The following PRKG1 variants were observed in gnomAD, a reference collection of about 807,000 sequenced individuals.
The protein encoded by PRKG1 is protein kinase cGMP-dependent 1, also known as cGMP-dependent protein kinase 1.
PRKG1 carries 35 observed loss-of-function variants against 88.1 expected under a neutral mutation model. The observed-to-expected ratio is 0.40, with a 90% CI of 0.30 to 0.53. PRKG1 has a LOEUF of 0.53. Among genes scored for constraint, PRKG1 ranks in the 20% least tolerant of loss-of-function variants. The probability of loss-of-function intolerance (pLI) is 0.59; values close to 1 mark genes in which losing one functional copy is unlikely to be tolerated. For synonymous variants in PRKG1, 303 were observed against 292.5 expected, an observed-to-expected ratio of 1.04 and a Z score of -0.37; for missense variants, 540 against 839.8, an observed-to-expected ratio of 0.64 and a Z score of 4.41.
chr10:52,010,059 C>T (rs2133167658), intron 5 of PRKG1, among the ~76,000 whole-genome samples: 1 of 152,208 alleles, frequency 6.6e-6, no homozygotes, highest in Admixed American at 6.5e-5. Context: ...AAACCTAAAA[C>T]TATAAAACTC....
chr10:51,456,423 C>T (rs1428890151), intron 2 of PRKG1, among the ~76,000 whole-genome samples: 3 of 152,036 alleles, frequency 2.0e-5, no homozygotes, highest in Non-Finnish European at 2.9e-5. Flanking sequence ...CATCTCTCAC[C>T]TTATACAAAA....
intron 3 of PRKG1, among the ~76,000 whole-genome samples, chr10:51,727,907 C>T (rs1842174845): frequency 1.3e-5 from 2 of 151,984 alleles, no homozygotes; most frequent in South Asian, 2.1e-4. Flanking sequence ...ACCGTGTGCC[C>T]CAAGAGATAA....
intron 4 of PRKG1, among the ~76,000 whole-genome samples, chr10:51,880,440 T>C (rs999856444): frequency 6.6e-5 from 10 of 152,160 alleles, no homozygotes; most frequent in Non-Finnish European, 1.2e-4. Flanking sequence ...GTACACTTCA[T>C]TGAATAATGG....
intron 7 of PRKG1, among the ~76,000 whole-genome samples, chr10:52,099,122 G>A (rs1847239571): frequency 6.6e-6 from 1 of 152,172 alleles, no homozygotes; most frequent in African/African-American, 2.4e-5. Context: ...GTTGGCTTCT[G>A]TACAGATAAT....
In PRKG1 at chr10:51,166,846, A is replaced by ATT. The variant is rs535325028; in HGVS notation, c.478+13517_478+13518dup. 1.4e-3 allele frequency among the ~76,000 whole-genome samples: 217 copies of ATT among 152,314 alleles called. 1 individual carries two copies. The highest frequency in any genetic ancestry group is 4.9e-3 in the African/African-American group (205 of 41,576). On this transcript the variant is annotated intron_variant, in intron 2 of 17. Transcript: ENST00000373980. ...AGCGGGGTGTGACTTTGACAAGCGT[A>ATT]TTATATGAATATTTGAAACTCTTTG...
intron 2 of PRKG1, among the ~76,000 whole-genome samples, chr10:51,265,778 T>C (rs879327641): frequency 2.0e-4 from 31 of 152,212 alleles, no homozygotes; most frequent in Middle Eastern, 6.8e-3. Flanking sequence ...GAAGGGACAA[T>C]TGAGTTGGTA....
At chr10:51,953,066 G>T (rs1264770636) in intron 5 of PRKG1, among the ~76,000 whole-genome samples, 13 of 151,938 alleles carry the variant, frequency 8.6e-5, no homozygotes. Flanking sequence ...AGCTTTTTCT[G>T]TCTATGTTTA....
intron 1 of PRKG1, among the ~76,000 whole-genome samples, chr10:51,107,576 C>T (rs1844868527): frequency 6.6e-6 from 1 of 151,844 alleles, no homozygotes; most frequent in African/African-American, 2.4e-5. Context: ...CGCGTTCATG[C>T]CTATAATCCC....
At chr10:51,970,337 T>G (rs1209487937) in intron 5 of PRKG1, among the ~76,000 whole-genome samples, 3 of 152,042 alleles carry the variant, frequency 2.0e-5, no homozygotes, top group Admixed American at 6.6e-5. Flanking sequence ...GATCAAGTAT[T>G]ACATTTAGTT....
At chr10:51,672,512 T>C (rs1179105212) in intron 3 of PRKG1, among the ~76,000 whole-genome samples, 1 of 152,226 alleles carries the variant, frequency 6.6e-6, no homozygotes, top group Non-Finnish European at 1.5e-5. Context: ...CTTTCTTGTT[T>C]TATTTTTATA....
chr10:51,484,029 T>C (rs1840450985), intron 3 of PRKG1, among the ~76,000 whole-genome samples: 1 of 152,192 alleles, frequency 6.6e-6, no homozygotes. Context: ...GCTTTGTTTT[T>C]ATCTGATTCT....
intron 3 of PRKG1, among the ~76,000 whole-genome samples, chr10:51,614,402 T>C (rs1010517434): frequency 3.3e-5 from 5 of 151,948 alleles, no homozygotes; most frequent in African/African-American, 1.2e-4. Flanking sequence ...GTGAGTTTCT[T>C]GAAGGCAGCA....
intron 1 of PRKG1, among the ~76,000 whole-genome samples, chr10:51,147,671 A>G (rs959861804): frequency 3.9e-5 from 6 of 152,172 alleles, no homozygotes; most frequent in African/African-American, 1.4e-4. Context: ...AAAGATAAAT[A>G]TTATTGTTCA....
At position 51,770,573 on chromosome 10, in the gene PRKG1, G is replaced by C. The variant is rs1838279223; in HGVS notation, c.593-34012G>C. ...TGCACAGAGGAGGTGAGGGGGTGCG[G>C]ATGAGTGAGCATTACCACCTGAGCT... On this transcript the variant is annotated intron_variant, in intron 3 of 17. Transcript: ENST00000373980. Among the ~76,000 whole-genome samples, 3 of 152,306 alleles carry C rather than the reference G, an allele frequency of 2.0e-5. No homozygotes were observed. The South Asian group carries it at 6.2e-4, about 32-fold the overall frequency.
chr10:52,275,341 C>T (rs1841847429), intron 12 of PRKG1, among the ~76,000 whole-genome samples: 2 of 152,138 alleles, frequency 1.3e-5, no homozygotes, highest in Non-Finnish European at 2.9e-5. Context: ...CTTAATCCAT[C>T]TTGTGTTGAT....
At chr10:51,978,436 C>CTTTTTTTTTTTTT (rs34946662) in intron 5 of PRKG1, among the ~76,000 whole-genome samples, 6 of 134,326 alleles carry the variant, frequency 4.5e-5, no homozygotes, top group African/African-American at 1.4e-4. Flanking sequence ...CATTCGGGCT[C>CTTTTTTTTTTTTT]TTTTTTTTTT....
intron 1 of PRKG1, among the ~76,000 whole-genome samples, chr10:51,043,666 C>T (rs73322650): frequency 0.024 from 3,705 of 152,258 alleles, 68 homozygotes; most frequent in African/African-American, 0.035. Context: ...ACCACCTATA[C>T]CACAAACTCC....
intron 1 of PRKG1, among the ~76,000 whole-genome samples, chr10:51,013,918 A>C (rs1231203302): frequency 6.6e-6 from 1 of 152,194 alleles, no homozygotes; most frequent in Non-Finnish European, 1.5e-5. Flanking sequence ...GTCTTAATCG[A>C]TGGCTGTAAA....
At chr10:51,749,222 T>G (rs4279959) in intron 3 of PRKG1, among the ~76,000 whole-genome samples, 53,691 of 152,166 alleles carry the variant, frequency 0.35, 10,532 homozygotes, top group Middle Eastern at 0.54. Context: ...GCTTAAGTTT[T>G]TTTTTATTAT....
Sources: gnomAD v4.1 joint callset for allele counts (sites outside exome capture counted in the v4.1 genomes callset) on GRCh38, gnomAD v4.1.1 for gene constraint, MANE v1.5 for transcripts, NCBI Gene and HGNC (gene_info 2026-07-23, HGNC 2026-07-21) for gene names.